Variants in SLC10A7 observed in about 807,000 individuals in gnomAD.
SLC10A7 encodes sodium/bile acid cotransporter 7.
SLC10A7 carries 29 observed loss-of-function variants against 43.2 expected under a neutral mutation model. The observed-to-expected ratio is 0.67, with a 90% CI of 0.50 to 0.92. The LOEUF (loss-of-function observed/expected upper bound fraction) is 0.92. Ranked by LOEUF, SLC10A7 falls within the 40% of genes least tolerant of loss-of-function variation. The pLI, the probability that SLC10A7 is intolerant of heterozygous loss-of-function variation, is 0.00. For missense variants in SLC10A7, 295 were observed against 403.2 expected (o/e 0.73, Z 2.30); for synonymous variants, 152 against 144.8 (o/e 1.05, Z -0.35).
intron 4 of SLC10A7, among the ~76,000 whole-genome samples, chr4:146,464,021 C>T (rs1341006433): frequency 6.6e-6 from 1 of 151,602 alleles, no homozygotes; most frequent in Non-Finnish European, 1.5e-5. Flanking sequence ...GATGGGGTCC[C>T]ACTATGTTGC....
intron 4 of SLC10A7, among the ~76,000 whole-genome samples, chr4:146,457,980 T>C (rs370449824): frequency 8.6e-5 from 13 of 151,904 alleles, no homozygotes; most frequent in African/African-American, 3.1e-4. Context: ...CAAATCATTT[T>C]ACGAGACCAG....
chr4:146,455,954 C>T (rs6844702), intron 4 of SLC10A7, among the ~76,000 whole-genome samples: 80,512 of 151,468 alleles, frequency 0.53, 21,959 homozygotes, highest in East Asian at 0.64. Flanking sequence ...TGCTAGTAGC[C>T]GTTTAACGAC....
intron 5 of SLC10A7, among the ~76,000 whole-genome samples, chr4:146,326,631 G>C (rs1205436930): frequency 1.3e-5 from 2 of 152,156 alleles, no homozygotes; most frequent in Non-Finnish European, 2.9e-5. Context: ...CGATGACAGG[G>C]AACAGTTTGA....
intron 5 of SLC10A7, among the ~76,000 whole-genome samples, chr4:146,339,209 TAAAC>T (rs1171789181): frequency 6.6e-6 from 1 of 151,954 alleles, no homozygotes; most frequent in African/African-American, 2.4e-5. Context: ...AACTTTAACA[TAAAC>T]AAACAAAAAA....
Position 146,267,057 on chromosome 4 carries a change from C to G in SLC10A7, c.848-8220G>C, listed in dbSNP as rs914105345. 2.0e-5 allele frequency among the ~76,000 whole-genome samples: 3 copies of G among 152,190 alleles called. No homozygotes were observed. In the South Asian group the frequency reaches 6.2e-4, roughly 32 times the overall value. ...AATAGGGAGACAAGACAGACTGTAC[C>G]ATGCCAAAGTTACACAAAGAGCAAT... On this transcript the variant is annotated intron_variant, in intron 10 of 11. Transcript: ENST00000335472.
At chr4:146,319,755 T>C in intron 6 of SLC10A7, among the ~76,000 whole-genome samples, 1 of 151,984 alleles carries the variant, frequency 6.6e-6, no homozygotes, top group Admixed American at 6.6e-5. Context: ...AATTTTAAGA[T>C]GTGTAATATT....
chr4:146,403,479 C>A (rs1739360990), intron 5 of SLC10A7, among the ~76,000 whole-genome samples: 1 of 152,128 alleles, frequency 6.6e-6, no homozygotes, highest in East Asian at 1.9e-4. Flanking sequence ...GTAGTGCTTT[C>A]CGTGAGAGGA....
chr4:146,494,986 G>A (rs937582205), intron 4 of SLC10A7, among the ~76,000 whole-genome samples: 3 of 152,072 alleles, frequency 2.0e-5, no homozygotes, highest in Non-Finnish European at 4.4e-5. Context: ...AAGAACTCTC[G>A]CCCAATCCGG....
rs572379819 is a variant in SLC10A7 at position 146,304,469 on chromosome 4, C to G, written c.555+1457G>C. Among the ~76,000 whole-genome samples, 3 of 152,212 alleles carry G rather than the reference C, an allele frequency of 2.0e-5. No homozygotes were observed. The South Asian group carries it at 6.2e-4, about 32-fold the overall frequency. ...GTTGTGTCTTTGTTCTCGTTGGTTTCAAAGAACATCTTTATTTCTGCCTTC... is the reference window on the plus strand; with the variant it reads ...GTTGTGTCTTTGTTCTCGTTGGTTTGAAAGAACATCTTTATTTCTGCCTTC... On this transcript the variant is annotated intron_variant, in intron 7 of 11. Coordinates refer to ENST00000335472, the MANE Select transcript of SLC10A7 (RefSeq NM_001029998.6).
At chr4:146,494,165 T>A (rs1735691393) in intron 4 of SLC10A7, among the ~76,000 whole-genome samples, 1 of 152,216 alleles carries the variant, frequency 6.6e-6, no homozygotes, top group African/African-American at 2.4e-5. Context: ...TAAGCAATCC[T>A]ATGAAATGAG....
intron 5 of SLC10A7, among the ~76,000 whole-genome samples, chr4:146,327,242 A>G (rs1359645953): frequency 2.0e-5 from 3 of 152,228 alleles, no homozygotes; most frequent in Non-Finnish European, 4.4e-5. Flanking sequence ...TTTGTTATTA[A>G]ATAATAGAAT....
intron 5 of SLC10A7, among the ~76,000 whole-genome samples, chr4:146,367,012 T>TG (rs1261641639): frequency 2.0e-5 from 3 of 152,242 alleles, no homozygotes; most frequent in Non-Finnish European, 1.5e-5. Flanking sequence ...TTTTTGTTTT[T>TG]TTTTGTTTTT....
At chr4:146,395,762 A>T (rs879421091) in intron 5 of SLC10A7, among the ~76,000 whole-genome samples, 1 of 152,198 alleles carries the variant, frequency 6.6e-6, no homozygotes, top group Non-Finnish European at 1.5e-5. Context: ...GTCTTGCTAG[A>T]GGAGTGTTAC....
intron 5 of SLC10A7, among the ~76,000 whole-genome samples, chr4:146,362,409 C>T (rs1412619609): frequency 6.6e-6 from 1 of 152,012 alleles, no homozygotes; most frequent in Admixed American, 6.6e-5. Flanking sequence ...GCAGACTTCT[C>T]CATGAAAACG....
chr4:146,486,542 A>G (rs952504685), intron 4 of SLC10A7, among the ~76,000 whole-genome samples: 2 of 152,230 alleles, frequency 1.3e-5, no homozygotes, highest in African/African-American at 4.8e-5. Flanking sequence ...AAATTTTTTA[A>G]AAACATATGT....
At chr4:146,451,609 T>C (rs763030244) in intron 4 of SLC10A7, among the ~76,000 whole-genome samples, 1 of 152,070 alleles carries the variant, frequency 6.6e-6, no homozygotes, top group Non-Finnish European at 1.5e-5. Flanking sequence ...ACCACATCAA[T>C]AGAATGAGGG....
At chr4:146,267,921 A>G (rs1728662656) in intron 10 of SLC10A7, among the ~76,000 whole-genome samples, 2 of 152,180 alleles carry the variant, frequency 1.3e-5, no homozygotes, top group Non-Finnish European at 2.9e-5. Context: ...GCAGAAAAAC[A>G]GGACAATCTT....
At chr4:146,260,767 T>C (rs914130345) in intron 10 of SLC10A7, among the ~76,000 whole-genome samples, 1 of 152,200 alleles carries the variant, frequency 6.6e-6, no homozygotes, top group Non-Finnish European at 1.5e-5. Context: ...CTGCAGCTGC[T>C]GTGAAAAGGG....
At chr4:146,258,019 C>T (rs1358258040) in intron 11 of SLC10A7, among the ~76,000 whole-genome samples, 2 of 152,192 alleles carry the variant, frequency 1.3e-5, no homozygotes, top group Non-Finnish European at 2.9e-5. Context: ...GTCCAAATCA[C>T]TGGGAAGGAG....
Sources: allele counts gnomAD v4.1 joint callset (sites outside exome capture counted in the v4.1 genomes callset), GRCh38; gene constraint gnomAD v4.1.1; transcripts MANE v1.5; gene names NCBI Gene and HGNC (gene_info 2026-07-23, HGNC 2026-07-21).